Variants in SDK1 observed in about 807,000 individuals in gnomAD.
SDK1 encodes protein sidekick-1.
SDK1 carries 157 observed loss-of-function variants against 245.5 expected under a neutral mutation model. That is an observed-to-expected ratio of 0.64 (90% CI 0.56 to 0.73). SDK1 has a LOEUF of 0.73. Among genes scored for constraint, SDK1 ranks in the 30% least tolerant of loss-of-function variants. The pLI is 0.00. For missense variants in SDK1, 3,583 were observed against 3,002.3 expected (o/e 1.19, Z -4.52); for synonymous variants, 1,647 against 1,278.5 (o/e 1.29, Z -6.15).
intron 1 of SDK1, among the ~76,000 whole-genome samples, chr7:3,351,101 C>T (rs910897471): frequency 6.6e-6 from 1 of 152,146 alleles, no homozygotes; most frequent in Admixed American, 6.5e-5. Flanking sequence ...TGGTTACTGA[C>T]TAAGCTGCAG....
At chr7:3,532,209 A>G (rs555153903) in intron 1 of SDK1, among the ~76,000 whole-genome samples, 81 of 152,168 alleles carry the variant, frequency 5.3e-4, no homozygotes, top group African/African-American at 1.9e-3. Flanking sequence ...TTCTCCCTTA[A>G]TGAGTTTGCT....
At chr7:3,532,230 A>G (rs1474209494) in intron 1 of SDK1, among the ~76,000 whole-genome samples, 1 of 152,168 alleles carries the variant, frequency 6.6e-6, no homozygotes, top group African/African-American at 2.4e-5. Flanking sequence ...TTTTATTCCC[A>G]GTGGCTTGTG....
chr7:4,132,288 G>A lies in SDK1; in HGVS notation c.4130-37G>A, dbSNP rs1784882892. 7.8e-6 allele frequency: 12 copies of A among 1,534,026 alleles called. No individual in the cohort carries two copies. The East Asian group carries it at 2.8e-4, about 35-fold the overall frequency. The stretch of plus-strand genomic sequence containing the variant: ...ACCTGTCACGCACCCAAGGAACACT[G>A]TCTTGAGATCTGAATCCCTGTGGTT... On this transcript the variant is annotated intron_variant, in intron 27 of 44. Coordinates refer to ENST00000404826, the MANE Select transcript of SDK1 (RefSeq NM_152744.4).
rs531334106 is a variant in SDK1, at chr7:4,096,218, T to C, written c.3325-14445T>C. On this transcript the variant is annotated intron_variant, in intron 22 of 44. Coordinates refer to ENST00000404826, the MANE Select transcript of SDK1 (RefSeq NM_152744.4). ...GACACTCAGATCCCCTCACTCTACC[T>C]TTACTGCTGCCAGCATTCCGTCTGG... Among the ~76,000 whole-genome samples the C allele has an allele frequency of 3.9e-5, 6 of 152,356 alleles. No individual in the cohort carries two copies. The East Asian group carries it at 1.2e-3, about 29-fold the overall frequency.
intron 5 of SDK1, among the ~76,000 whole-genome samples, chr7:3,858,572 G>A (rs552632704): frequency 1.1e-3 from 160 of 151,976 alleles, no homozygotes; most frequent in Non-Finnish European, 2.1e-3. Flanking sequence ...TTTCCAAGTC[G>A]TCTATGTCTG....
chr7:3,691,592 T>C lies in SDK1; in HGVS notation c.713+49487T>C, dbSNP rs970934070. ...ATAAATGTTTTCTGCCGGCATGATA[T>C]TTTAAAAGGAAAAATATGATTATCT... is the stretch of plus-strand genomic sequence containing the variant. On this transcript the variant is annotated intron_variant, in intron 4 of 44. Transcript: ENST00000404826. 1.1e-4 allele frequency among the ~76,000 whole-genome samples: 17 copies of C among 151,978 alleles called. 1 individual carries two copies. Among genetic ancestry groups the C allele is most frequent in the Non-Finnish European group, 5.9e-5 (4 of 68,008 alleles).
intron 25 of SDK1, among the ~76,000 whole-genome samples, chr7:4,124,670 C>T (rs948553786): frequency 6.6e-6 from 1 of 152,230 alleles, no homozygotes; most frequent in South Asian, 2.1e-4. Context: ...AAAGATCAAA[C>T]TACTCTCGTG....
At chr7:3,912,727 C>A (rs182071902) in intron 5 of SDK1, among the ~76,000 whole-genome samples, 1 of 152,222 alleles carries the variant, frequency 6.6e-6, no homozygotes, top group Non-Finnish European at 1.5e-5. Flanking sequence ...GAGACCGGCA[C>A]GGTCTGGCCC....
At chr7:3,358,833 A>G (rs1168878886) in intron 1 of SDK1, among the ~76,000 whole-genome samples, 1 of 152,196 alleles carries the variant, frequency 6.6e-6, no homozygotes. Flanking sequence ...TAAATGTGTT[A>G]AACATTTTAA....
intron 1 of SDK1, among the ~76,000 whole-genome samples, chr7:3,477,354 C>T (rs1272906677): frequency 6.6e-6 from 1 of 151,388 alleles, no homozygotes; most frequent in Non-Finnish European, 1.5e-5. Context: ...CGCCACCACA[C>T]CTGGTGAATT....
intron 4 of SDK1, among the ~76,000 whole-genome samples, chr7:3,720,061 C>G (rs765023069): frequency 6.0e-5 from 9 of 151,250 alleles, no homozygotes; most frequent in South Asian, 4.2e-4. Context: ...TTTGATGATA[C>G]CAAAGGTACG....
intron 5 of SDK1, among the ~76,000 whole-genome samples, chr7:3,886,276 G>A (rs1280099713): frequency 6.6e-6 from 1 of 151,772 alleles, no homozygotes; most frequent in East Asian, 1.9e-4. Context: ...AGAAAGCAGA[G>A]TGGACTCCAG....
intron 13 of SDK1, among the ~76,000 whole-genome samples, chr7:3,982,015 C>G (rs1222583935): frequency 6.6e-6 from 1 of 152,138 alleles, no homozygotes; most frequent in East Asian, 1.9e-4. Flanking sequence ...GAGGAGAAAT[C>G]AATGTCTGGT....
chr7:3,979,141 G>T (rs1256786305), intron 13 of SDK1, among the ~76,000 whole-genome samples: 1 of 152,144 alleles, frequency 6.6e-6, no homozygotes, highest in Non-Finnish European at 1.5e-5. Flanking sequence ...TGTGACTTTG[G>T]ACAAATCCCC....
chr7:3,814,187 C>T (rs1231932567), intron 4 of SDK1, among the ~76,000 whole-genome samples: 11 of 151,388 alleles, frequency 7.3e-5, no homozygotes, highest in Non-Finnish European at 1.6e-4. Context: ...AGTCCTTGCC[C>T]ATGCCTATGT....
At chr7:4,116,680 C>T (rs1308651496) in intron 25 of SDK1, among the ~76,000 whole-genome samples, 1 of 152,250 alleles carries the variant, frequency 6.6e-6, no homozygotes, top group Non-Finnish European at 1.5e-5. Context: ...TTTCTTCCTA[C>T]TCTTCTCAGA....
chr7:3,833,201 T>C (rs1281871765), intron 5 of SDK1, among the ~76,000 whole-genome samples: 1 of 152,148 alleles, frequency 6.6e-6, no homozygotes, highest in African/African-American at 2.4e-5. Context: ...TTTTAGTTCC[T>C]AAGTCGAACT....
chr7:4,090,074 G>C (rs956486473), intron 22 of SDK1, among the ~76,000 whole-genome samples: 5 of 152,206 alleles, frequency 3.3e-5, no homozygotes, highest in Non-Finnish European at 7.3e-5. Flanking sequence ...GGGAAGTGAT[G>C]CTGGGCACCT....
intron 1 of SDK1, among the ~76,000 whole-genome samples, chr7:3,598,126 C>A (rs1354665765): frequency 6.6e-6 from 1 of 152,180 alleles, no homozygotes; most frequent in Admixed American, 6.5e-5. Flanking sequence ...AATTTAGCCA[C>A]TTATAGTTTC....
Sources: gnomAD v4.1 joint callset for allele counts (sites outside exome capture counted in the v4.1 genomes callset) on GRCh38, gnomAD v4.1.1 for gene constraint, MANE v1.5 for transcripts, NCBI Gene and HGNC (gene_info 2026-07-23, HGNC 2026-07-21) for gene names.